Variants in FEZ2 observed in about 807,000 individuals in gnomAD.
The protein encoded by FEZ2 is fasciculation and elongation protein zeta-2.
In FEZ2, 51 loss-of-function variants were observed where a neutral mutation model predicts 40.4. That is an observed-to-expected ratio of 1.26 (90% CI 1.01 to 1.59). The LOEUF (loss-of-function observed/expected upper bound fraction) is 1.59. Among genes scored for constraint, FEZ2 ranks in the 40% most tolerant of loss-of-function variants. The probability of loss-of-function intolerance (pLI) is 0.00; values close to 1 mark genes in which losing one functional copy is unlikely to be tolerated. For synonymous variants in FEZ2, 242 were observed against 172.0 expected (o/e 1.41, Z -3.18); for missense variants, 640 against 438.3 (o/e 1.46, Z -4.11).
Position 36,598,111 on chromosome 2 carries a change from T to A in FEZ2, c.32A>T (p.Tyr11Phe). The change falls in exon 1 of 8, where the codon TAT (tyrosine) becomes TTT (phenylalanine). Residue 11 changes from tyrosine to phenylalanine, a missense_variant. Physicochemically the swap from Tyr to Phe is conservative, Grantham distance 22. Coordinates refer to ENST00000405912, the MANE Select transcript of FEZ2 (RefSeq NM_005102.3). The stretch of plus-strand genomic sequence containing the variant: ...GCTCCGGGCCGGCTCCTGGAACTCA[T>A]AGAAATCCTGCCAGTCCCCGTCCGC... MAADGDWQDF[Y>F]EFQEPARSLL... is the part of the protein sequence containing the mutation. The A allele has an allele frequency of 2.0e-6, 3 of 1,482,534 alleles. No individual in the cohort carries two copies. Among genetic ancestry groups the A allele is most frequent in the Non-Finnish European group, 2.7e-6 (3 of 1,125,474 alleles). The allele number at this position is 1,482,534 out of a possible 1,614,324, so 91.8% of individuals were successfully genotyped here.
In FEZ2 at chr2:36,578,873, C is replaced by G. The variant is rs777098425; in HGVS notation, c.635-8G>C. 4.6e-5 allele frequency: 74 copies of G among 1,601,600 alleles called. 1 individual carries two copies. In the South Asian group the frequency reaches 8.0e-4, roughly 17 times the overall value. ...CTGAGAGCCTTTTCACTCCTGTGAC[C>G]AAAAGCAAAATACAGCAGATATTAA... is the stretch of plus-strand genomic sequence containing the variant. On this transcript the variant is annotated splice_polypyrimidine_tract_variant and splice_region_variant and intron_variant, in intron 4 of 7. Transcript: ENST00000405912.
intron 1 of FEZ2, 54 bp downstream of exon 1, chr2:36,597,823 G>C (rs988580352): frequency 6.3e-5 from 80 of 1,269,692 alleles, no homozygotes; most frequent in Non-Finnish European, 7.5e-5. Flanking sequence ...GCTGCCGGTC[G>C]GGCGAGGGGT....
chr2:36,597,920 C>A lies in FEZ2; in HGVS notation c.223G>T (p.Ala75Ser). 7.0e-7 allele frequency: 1 copy of A among 1,425,342 alleles called. No homozygotes were observed. The highest frequency in any genetic ancestry group is 9.1e-7 in the Non-Finnish European group (1 of 1,097,284). The allele number at this position is 1,425,342 out of a possible 1,614,324, so 88.3% of individuals were successfully genotyped here. A position where few individuals can be genotyped will look rare whatever the true frequency, so the allele number is the denominator to read the frequency against. ...CTGCGCTCCGTGATGGGCCGCACGG[C>A]CGTCCTCGGGGGCTCGGCGCCCGGA... ...SDPGAEPPRT[A>S]VRPITERSLL... The change falls in exon 1 of 8, where the codon GCC becomes TCC. Residue 75 changes from alanine (A) to serine (S), a missense_variant. Ala to Ser is a moderately conservative substitution (Grantham distance 99). Coordinates refer to ENST00000405912, the MANE Select transcript of FEZ2 (RefSeq NM_005102.3).
chr2:36,564,146 G>C (rs984286030), intron 5 of FEZ2, among the ~76,000 whole-genome samples: 1 of 152,184 alleles, frequency 6.6e-6, no homozygotes, highest in Non-Finnish European at 1.5e-5. Flanking sequence ...GCAAAGCTCA[G>C]TACATGTTAG....
intron 5 of FEZ2, among the ~76,000 whole-genome samples, chr2:36,577,997 T>C (rs143179621): frequency 3.3e-5 from 5 of 152,360 alleles, no homozygotes; most frequent in African/African-American, 1.2e-4. Flanking sequence ...AAAAATCTTA[T>C]CAAAGGGTCA....
intron 5 of FEZ2, among the ~76,000 whole-genome samples, chr2:36,571,467 C>G (rs910323573): frequency 6.6e-6 from 1 of 151,824 alleles, no homozygotes; most frequent in Non-Finnish European, 1.5e-5. Flanking sequence ...TCAAGACCAT[C>G]CTGGCCAACT....
chr2:36,566,505 G>C (rs982218747), intron 5 of FEZ2, among the ~76,000 whole-genome samples: 15 of 152,192 alleles, frequency 9.9e-5, no homozygotes, highest in African/African-American at 3.6e-4. Context: ...AAAAATGTCA[G>C]ATACTTCTTT....
chr2:36,588,573 G>C (rs1213021304), intron 2 of FEZ2, among the ~76,000 whole-genome samples: 1 of 151,616 alleles, frequency 6.6e-6, no homozygotes, highest in Non-Finnish European at 1.5e-5. Flanking sequence ...TATAAAGTGG[G>C]GTAGTATTTG....
intron 5 of FEZ2, among the ~76,000 whole-genome samples, chr2:36,570,717 C>G (rs80280494): frequency 6.6e-6 from 1 of 152,202 alleles, no homozygotes; most frequent in Non-Finnish European, 1.5e-5. Context: ...CCTATATAGC[C>G]TGTTACTGTA....
rs147287062 is a variant in FEZ2, at chr2:36,563,939, C to G, written c.904-5426G>C. On this transcript the variant is annotated intron_variant, in intron 5 of 7. Coordinates refer to ENST00000405912, the MANE Select transcript of FEZ2 (RefSeq NM_005102.3). ...CTTTCTTCACTCATCCCTTAAATGC[C>G]AGTGTTCCCTAGGATCTTGTGCCTC... 2.0e-5 allele frequency among the ~76,000 whole-genome samples: 3 copies of G among 152,304 alleles called. No homozygotes were observed. The East Asian group carries it at 5.8e-4, about 29-fold the overall frequency.
chr2:36,584,643 C>A (rs930176137), intron 2 of FEZ2, among the ~76,000 whole-genome samples: 12 of 152,150 alleles, frequency 7.9e-5, no homozygotes, highest in African/African-American at 2.4e-4. Flanking sequence ...ACGTAAGAAG[C>A]CACCATGTCA....
In FEZ2 at chr2:36,553,080, G is replaced by T; in HGVS notation, c.*83C>A. The stretch of plus-strand genomic sequence containing the variant: ...GTTCAAATGTGCTGAGTTTCCAATA[G>T]CAAGAAGGGTAATGGTAGCCAGCTC... On this transcript the variant is annotated 3_prime_UTR_variant, in exon 8 of 8. Coordinates refer to ENST00000405912, the MANE Select transcript of FEZ2 (RefSeq NM_005102.3). The T allele has an allele frequency of 2.6e-6, 3 of 1,154,080 alleles. No individual in the cohort carries two copies. Among genetic ancestry groups the T allele is most frequent in the South Asian group, 2.8e-5 (2 of 72,652 alleles). 71.5% of individuals were successfully genotyped at this position (1,154,080 alleles called of 1,614,324 possible).
At chr2:36,584,643 C>T (rs930176137) in intron 2 of FEZ2, among the ~76,000 whole-genome samples, 2 of 152,150 alleles carry the variant, frequency 1.3e-5, no homozygotes, top group Admixed American at 6.5e-5. Context: ...ACGTAAGAAG[C>T]CACCATGTCA....
At chr2:36,578,048 T>G (rs753769685) in intron 5 of FEZ2, among the ~76,000 whole-genome samples, 2 of 152,230 alleles carry the variant, frequency 1.3e-5, no homozygotes, top group Admixed American at 6.5e-5. Context: ...CAGTCAGAAA[T>G]AGTCTAGTCT....
At chr2:36,567,592 T>C (rs989020951) in intron 5 of FEZ2, among the ~76,000 whole-genome samples, 2 of 151,942 alleles carry the variant, frequency 1.3e-5, no homozygotes, top group African/African-American at 2.4e-5. Context: ...TGAAACCTCA[T>C]CTCTACTAAA....
intron 5 of FEZ2, among the ~76,000 whole-genome samples, chr2:36,559,773 C>T (rs1368289491): frequency 6.6e-6 from 1 of 152,176 alleles, no homozygotes; most frequent in African/African-American, 2.4e-5. Flanking sequence ...TTCAGGCCTC[C>T]CTGCTCCACT....
intron 5 of FEZ2, among the ~76,000 whole-genome samples, chr2:36,571,316 C>G (rs368756119): frequency 6.6e-6 from 1 of 152,176 alleles, no homozygotes; most frequent in African/African-American, 2.4e-5. Context: ...AAGATACTAT[C>G]AAATATCACC....
rs1268082598 is a variant in FEZ2 at position 36,597,991 on chromosome 2, G to A, written c.152C>T (p.Ala51Val). ...GCTCAGCTTCTCCTCCAAGCTGCAG[G>A]CCGGGGCCGGGAAACCGTCGGCGCC... is the stretch of plus-strand genomic sequence containing the variant. ...GGGADGFPAP[A>V]CSLEEKLSLC... Residue 51 changes from alanine (A) to valine (V), a missense_variant, in exon 1 of 8, where the codon GCC becomes GTC. Physicochemically the swap from Ala to Val is moderately conservative, Grantham distance 64 (BLOSUM62 0). Coordinates refer to ENST00000405912, the MANE Select transcript of FEZ2 (RefSeq NM_005102.3). 6.7e-6 allele frequency: 10 copies of A among 1,496,926 alleles called. No homozygotes were observed. The highest frequency in any genetic ancestry group is 8.9e-6 in the Non-Finnish European group (10 of 1,128,914). The allele number at this position is 1,496,926 out of a possible 1,614,324, so 92.7% of individuals were successfully genotyped here.
At chr2:36,587,691 T>C (rs184612788) in intron 2 of FEZ2, among the ~76,000 whole-genome samples, 1 of 152,182 alleles carries the variant, frequency 6.6e-6, no homozygotes, top group Non-Finnish European at 1.5e-5. Context: ...GTTTTATAAG[T>C]AAAATAATCT....
Sources: allele counts gnomAD v4.1 joint callset (sites outside exome capture counted in the v4.1 genomes callset), GRCh38; gene constraint gnomAD v4.1.1; transcripts MANE v1.5; gene names NCBI Gene and HGNC (gene_info 2026-07-23, HGNC 2026-07-21).